The following BPNT2 variants were observed in gnomAD, a reference collection of about 807,000 sequenced individuals.
The protein encoded by BPNT2 is Golgi-resident adenosine 3',5'-bisphosphate 3'-phosphatase.
Under a neutral mutation model 29.3 loss-of-function variants are expected in BPNT2, and 11 were observed. The observed-to-expected ratio is 0.38, with a 90% CI of 0.24 to 0.62. The LOEUF is 0.62. Among genes scored for constraint, BPNT2 ranks in the 20% least tolerant of loss-of-function variants. The pLI, the probability that BPNT2 is intolerant of heterozygous loss-of-function variation, is 0.62. For synonymous variants in BPNT2, 195 were observed against 187.7 expected (o/e 1.04, Z -0.32); for missense variants, 459 against 473.4 (o/e 0.97, Z 0.28).
chr8:56,988,611 A>G (rs903664205), intron 1 of BPNT2, among the ~76,000 whole-genome samples: 1 of 152,084 alleles, frequency 6.6e-6, no homozygotes, highest in Non-Finnish European at 1.5e-5. Flanking sequence ...CTTTCATGTT[A>G]TATTCTCTCC....
chr8:56,989,753 C>T (rs1314361844), intron 1 of BPNT2, among the ~76,000 whole-genome samples: 1 of 152,114 alleles, frequency 6.6e-6, no homozygotes, highest in African/African-American at 2.4e-5. Flanking sequence ...ACTAGTAAAC[C>T]ATGGACTAGG....
chr8:56,972,930 A>G (rs893393777), intron 3 of BPNT2, among the ~76,000 whole-genome samples: 1 of 152,184 alleles, frequency 6.6e-6, no homozygotes, highest in African/African-American at 2.4e-5. Flanking sequence ...GATTTAAGAC[A>G]GGAAGGGATG....
chr8:56,984,666 A>C (rs78298103), intron 1 of BPNT2, among the ~76,000 whole-genome samples: 2,214 of 152,320 alleles, frequency 0.015, 30 homozygotes, highest in Non-Finnish European at 0.023. Context: ...AGTAATGAAC[A>C]AAACAGACAA....
chr8:56,991,649 A>G (rs1033548754), intron 1 of BPNT2, among the ~76,000 whole-genome samples: 1 of 152,236 alleles, frequency 6.6e-6, no homozygotes, highest in African/African-American at 2.4e-5. Flanking sequence ...GTAGGCAGAA[A>G]TAAAATTTAC....
At chr8:56,964,457 C>A (rs903340440) in intron 4 of BPNT2, 2 of 173,114 alleles carry the variant, frequency 1.2e-5, no homozygotes, top group Admixed American at 5.9e-5. Flanking sequence ...TGCCACCATG[C>A]CCTGCTAAAT....
intron 2 of BPNT2, 30 bp from the exon 3 acceptor site, chr8:56,978,175 C>G: frequency 3.0e-6 from 4 of 1,325,306 alleles, no homozygotes; most frequent in Non-Finnish European, 4.3e-6. Flanking sequence ...ACAACACACA[C>G]AAATGTCAAA....
At position 56,993,552 on chromosome 8, in the gene BPNT2, C is replaced by G. The variant is rs778891336; in HGVS notation, c.34G>C (p.Gly12Arg). 8 of 1,482,264 alleles carry G rather than the reference C, an allele frequency of 5.4e-6. No homozygotes were observed. The highest frequency in any genetic ancestry group is 7.2e-6 in the Non-Finnish European group (8 of 1,115,590). 91.8% of individuals were successfully genotyped at this position (1,482,264 alleles called of 1,614,324 possible). Residue 12 changes from glycine (G) to arginine (R), a missense_variant, in exon 1 of 5, where the codon GGG becomes CGG. By Grantham distance (125) the Gly-to-Arg change is moderately radical. Coordinates refer to ENST00000262644, the MANE Select transcript of BPNT2 (RefSeq NM_017813.5). ...APMGIRLSPL[G>R]VAVFCLLGLG... ...CCCAGCAGGCAAAACACTGCCACCCCCAGTGGGGAAAGGCGGATGCCCATG... is the reference window on the plus strand; with the variant it reads ...CCCAGCAGGCAAAACACTGCCACCCGCAGTGGGGAAAGGCGGATGCCCATG...
chr8:56,981,309 GT>G lies in BPNT2; in HGVS notation c.388-1113del, dbSNP rs1431706544. Among the ~76,000 whole-genome samples, 8 of 152,372 alleles carry G rather than the reference GT, an allele frequency of 5.3e-5. No homozygotes were observed. In the South Asian group the frequency reaches 1.4e-3, roughly 28 times the overall value. Reference sequence around the variant, plus strand: ...TGGCCAAGTGTGGTGGCTCACGCCTGTAATCCCAGCACTTCGGGAGGCCGAG... The same window carrying G: ...TGGCCAAGTGTGGTGGCTCACGCCTGAATCCCAGCACTTCGGGAGGCCGAG... On this transcript the variant is annotated intron_variant, in intron 1 of 4. Transcript: ENST00000262644.
Position 56,993,346 on chromosome 8 carries a change from C to G in BPNT2, c.240G>C (p.Glu80Asp), listed in dbSNP as rs1345897724. Residue 80 changes from glutamate to aspartate, a missense_variant, in exon 1 of 5, where the codon GAG becomes GAC. Glu to Asp is a conservative substitution (Grantham distance 45, BLOSUM62 2). Coordinates refer to ENST00000262644, the MANE Select transcript of BPNT2 (RefSeq NM_017813.5). ...SVLAAVRGGD[E>D]VRRVRESNVL... ...CGTTGCTCTCGCGGACGCGCCTCACCTCGTCGCCGCCGCGGACTGCGGCCA... is the reference window on the plus strand; with the variant it reads ...CGTTGCTCTCGCGGACGCGCCTCACGTCGTCGCCGCCGCGGACTGCGGCCA... 1 of 1,610,906 alleles carries G rather than the reference C, an allele frequency of 6.2e-7. No homozygotes were observed. The highest frequency in any genetic ancestry group is 8.5e-7 in the Non-Finnish European group (1 of 1,179,914).
Position 56,966,095 on chromosome 8 carries a change from T to C in BPNT2, c.808+96A>G, listed in dbSNP as rs577453549. ...TTGAAAGTACACCACTCCTCCTCAC[T>C]TTCCTCCCAAGCATGGACAAGCAAA... On this transcript the variant is annotated intron_variant, in intron 4 of 4. Coordinates refer to ENST00000262644, the MANE Select transcript of BPNT2 (RefSeq NM_017813.5). 3.8e-5 allele frequency: 52 copies of C among 1,371,760 alleles called. No homozygotes were observed. In the South Asian group the frequency reaches 6.0e-4, roughly 16 times the overall value. The allele number at this position is 1,371,760 out of a possible 1,614,324, so 85.0% of individuals were successfully genotyped here.
chr8:56,971,782 A>ACGC (rs1806037139), intron 3 of BPNT2, among the ~76,000 whole-genome samples: 1 of 104,172 alleles, frequency 9.6e-6, no homozygotes, highest in African/African-American at 3.4e-5. Flanking sequence ...ATTTTGTACC[A>ACGC]CCCCCCCCCC....
intron 1 of BPNT2, among the ~76,000 whole-genome samples, chr8:56,989,002 G>A (rs1272226615): frequency 6.6e-6 from 1 of 152,096 alleles, no homozygotes; most frequent in Non-Finnish European, 1.5e-5. Flanking sequence ...TGGTCTCCCT[G>A]TATTTACTTT....
At chr8:56,980,382 G>T (rs1278237524) in intron 1 of BPNT2, among the ~76,000 whole-genome samples, 185 bp from the exon 2 acceptor site, 2 of 151,844 alleles carry the variant, frequency 1.3e-5, no homozygotes, top group Non-Finnish European at 2.9e-5. Context: ...ATGACATCAG[G>T]TCTTTAAATG....
chr8:56,993,822 G>A lies in BPNT2; in HGVS notation c.-237C>T, dbSNP rs1806462636. 2 of 364,398 alleles carry A rather than the reference G, an allele frequency of 5.5e-6. No individual in the cohort carries two copies. The highest frequency in any genetic ancestry group is 7.7e-6 in the Non-Finnish European group (2 of 260,732). The allele number at this position is 364,398 out of a possible 1,614,324, so 22.6% of individuals were successfully genotyped here. ...CAGGCAGCGCGCTCTAGGTTCTTCC[G>A]CCGGCCGGCTGGTCCGACTTCCACG... On this transcript the variant is annotated 5_prime_UTR_variant, in exon 1 of 5. Coordinates refer to ENST00000262644, the MANE Select transcript of BPNT2 (RefSeq NM_017813.5).
chr8:56,969,477 G>C (rs543158480), intron 3 of BPNT2, among the ~76,000 whole-genome samples: 3 of 152,150 alleles, frequency 2.0e-5, no homozygotes, highest in African/African-American at 7.2e-5. Context: ...ATGGGAATAA[G>C]GTAAAAGAAT....
intron 1 of BPNT2, among the ~76,000 whole-genome samples, chr8:56,986,463 T>C (rs1806328013): frequency 1.3e-5 from 2 of 152,184 alleles, no homozygotes; most frequent in African/African-American, 4.8e-5. Flanking sequence ...TGCTAAACAA[T>C]ACCTTAAAAT....
intron 1 of BPNT2, among the ~76,000 whole-genome samples, chr8:56,989,135 T>C (rs1806371299): frequency 6.6e-6 from 1 of 152,152 alleles, no homozygotes; most frequent in African/African-American, 2.4e-5. Context: ...TAGACAGACC[T>C]GAGATGATTC....
At chr8:56,980,532 A>G (rs892556593) in intron 1 of BPNT2, among the ~76,000 whole-genome samples, 5 of 152,152 alleles carry the variant, frequency 3.3e-5, no homozygotes, top group African/African-American at 1.2e-4. Flanking sequence ...TAATAGCTCT[A>G]AAGTGTGAAA....
intron 1 of BPNT2, among the ~76,000 whole-genome samples, chr8:56,987,520 C>T (rs964015228): frequency 1.3e-5 from 2 of 152,138 alleles, no homozygotes; most frequent in Non-Finnish European, 2.9e-5. Flanking sequence ...GAGACTACCA[C>T]CACCAGCTCT....
Sources: gnomAD v4.1 joint callset for allele counts (sites outside exome capture counted in the v4.1 genomes callset) on GRCh38, gnomAD v4.1.1 for gene constraint, MANE v1.5 for transcripts, NCBI Gene and HGNC (gene_info 2026-07-23, HGNC 2026-07-21) for gene names.